Variants in RUNX1T1 observed in about 807,000 individuals in gnomAD.
RUNX1T1 encodes protein CBFA2T1.
In RUNX1T1, 4 loss-of-function variants were observed where a neutral mutation model predicts 62.8. The ratio of observed to expected loss-of-function variants is 0.06; its 90% CI spans 0.03 to 0.15. The LOEUF (loss-of-function observed/expected upper bound fraction) is 0.15. Ranked by LOEUF, RUNX1T1 falls within the 10% of genes least tolerant of loss-of-function variation. The pLI, the probability that RUNX1T1 is intolerant of heterozygous loss-of-function variation, is 1.00. For missense variants in RUNX1T1, 508 were observed against 754.3 expected (o/e 0.67, Z 3.82); for synonymous variants, 291 against 286.0 (o/e 1.02, Z -0.18).
At chr8:92,076,421 A>G (rs1473683219) in intron 1 of RUNX1T1, among the ~76,000 whole-genome samples, 1 of 152,164 alleles carries the variant, frequency 6.6e-6, no homozygotes, top group Non-Finnish European at 1.5e-5. Flanking sequence ...GGTTTTAAAG[A>G]TATGCACATC....
At chr8:92,050,027 C>T (rs1029795927) in intron 1 of RUNX1T1, among the ~76,000 whole-genome samples, 5 of 152,034 alleles carry the variant, frequency 3.3e-5, no homozygotes, top group African/African-American at 9.7e-5. Context: ...TATATAACCA[C>T]AATTTTCATT....
At chr8:92,021,854 C>T (rs763297242) in intron 1 of RUNX1T1, among the ~76,000 whole-genome samples, 1 of 151,136 alleles carries the variant, frequency 6.6e-6, no homozygotes, top group Admixed American at 6.6e-5. Context: ...TACCAGCCAC[C>T]TTGGTACTCC....
chr8:92,017,228 G>T (rs780681800), exon 2 of RUNX1T1: 1 of 1,597,330 alleles, frequency 6.3e-7, no homozygotes, highest in Admixed American at 1.7e-5. Flanking sequence ...CTACTTACAC[G>T]TTGTCGGTGT....
At chr8:92,005,216 G>A (rs764559856) in exon 5 of RUNX1T1, 7 of 1,614,066 alleles carry the variant, frequency 4.3e-6, no homozygotes, top group South Asian at 2.2e-5. Flanking sequence ...AGCTGTTCAT[G>A]CTGGGCGAGG....
At chr8:92,038,046 C>CTTTCTTTATTTATTTA (rs71563485) in intron 1 of RUNX1T1, among the ~76,000 whole-genome samples, 1 of 149,984 alleles carries the variant, frequency 6.7e-6, no homozygotes, top group African/African-American at 2.5e-5. Context: ...CAAAATTCTT[C>CTTTCTTTATTTATTTA]TTTATTTATT....
At chr8:91,992,746 G>A (rs1360069766) in intron 5 of RUNX1T1, among the ~76,000 whole-genome samples, 1 of 152,112 alleles carries the variant, frequency 6.6e-6, no homozygotes, top group African/African-American at 2.4e-5. Context: ...CCTGTCTGGG[G>A]TTATCAGGTC....
At chr8:91,983,738 A>T (rs774556693) in intron 8 of RUNX1T1, among the ~76,000 whole-genome samples, 30 of 152,182 alleles carry the variant, frequency 2.0e-4, no homozygotes, top group Non-Finnish European at 3.7e-4. Flanking sequence ...CAATCCATTC[A>T]ACTCCAAAGC....
At chr8:92,095,333 T>C (rs1055950641) in intron 1 of RUNX1T1, 2 of 1,533,444 alleles carry the variant, frequency 1.3e-6, no homozygotes, top group Non-Finnish European at 1.7e-6. Context: ...CCCTCCCCTG[T>C]TCACGGAGAT....
At position 92,085,688 on chromosome 8, in the gene RUNX1T1, TTAAG is replaced by T. The variant is rs561725608; in HGVS notation, c.-85-9555_-85-9552del. Among the ~76,000 whole-genome samples the T allele has an allele frequency of 3.0e-3, 451 of 152,334 alleles. 1 individual carries two copies. Among genetic ancestry groups the T allele is most frequent in the African/African-American group, 0.01 (430 of 41,578 alleles). On this transcript the variant is annotated intron_variant, in intron 1 of 11. Coordinates refer to the RUNX1T1 transcript ENST00000265814. ...AAAGAATTGCCAGCATGTTTTTAAA[TTAAG>T]TGTTATCAGACAAAACAAGATAAAG...
intron 5 of RUNX1T1, among the ~76,000 whole-genome samples, chr8:91,992,465 A>G (rs891892389): frequency 6.6e-6 from 1 of 152,222 alleles, no homozygotes; most frequent in Non-Finnish European, 1.5e-5. Flanking sequence ...GCCACATTTC[A>G]TGTGCTCAAC....
At chr8:92,033,855 A>T (rs1390216492) in intron 1 of RUNX1T1, among the ~76,000 whole-genome samples, 1 of 152,110 alleles carries the variant, frequency 6.6e-6, no homozygotes, top group African/African-American at 2.4e-5. Context: ...CTGTAGTCCC[A>T]GCTACTAGGA....
intron 9 of RUNX1T1, among the ~76,000 whole-genome samples, chr8:91,973,392 C>T (rs988530316): frequency 3.3e-5 from 5 of 151,666 alleles, no homozygotes; most frequent in Non-Finnish European, 5.9e-5. Flanking sequence ...TGTTTGAAAT[C>T]ATTTCAAAAT....
intron 1 of RUNX1T1, among the ~76,000 whole-genome samples, chr8:92,038,046 C>CTTTCTTTATTTATTTATTTATTTA (rs71563485): frequency 4.0e-5 from 6 of 150,078 alleles, no homozygotes; most frequent in African/African-American, 1.2e-4. Context: ...CAAAATTCTT[C>CTTTCTTTATTTATTTATTTATTTA]TTTATTTATT....
chr8:92,036,343 A>C (rs188384762), intron 1 of RUNX1T1, among the ~76,000 whole-genome samples: 6 of 152,340 alleles, frequency 3.9e-5, no homozygotes, highest in Non-Finnish European at 7.3e-5. Context: ...AGTGTTCTCA[A>C]TTTTCTAAGT....
chr8:91,955,428 C>T (rs1047426285), downstream of RUNX1T1: 3 of 227,430 alleles, frequency 1.3e-5, no homozygotes, highest in African/African-American at 6.7e-5. Flanking sequence ...AAATATCCAA[C>T]CCTAACTGTC....
chr8:91,976,915 G>A (rs1814091867), intron 8 of RUNX1T1, among the ~76,000 whole-genome samples: 1 of 152,130 alleles, frequency 6.6e-6, no homozygotes, highest in Non-Finnish European at 1.5e-5. Context: ...ATAAGCCCAT[G>A]ATAAATTCTG....
At chr8:92,018,507 C>T (rs1823461350) in intron 1 of RUNX1T1, among the ~76,000 whole-genome samples, 2 of 152,128 alleles carry the variant, frequency 1.3e-5, no homozygotes, top group African/African-American at 4.8e-5. Context: ...TTTTGAGGCA[C>T]CTCTTGCAGT....
chr8:92,051,622 T>A (rs1232165175), intron 1 of RUNX1T1, among the ~76,000 whole-genome samples: 1 of 148,956 alleles, frequency 6.7e-6, no homozygotes, highest in Non-Finnish European at 1.5e-5. Flanking sequence ...TCTCTCTCTC[T>A]CACTCTCTCT....
At chr8:92,064,187 T>A (rs999269958), upstream of RUNX1T1, among the ~76,000 whole-genome samples, 1 of 152,270 alleles carries the variant, frequency 6.6e-6, no homozygotes, top group South Asian at 2.1e-4. Flanking sequence ...ACTAAAAATA[T>A]ATTCTCTTGA....
Sources: gnomAD v4.1 joint callset for allele counts (sites outside exome capture counted in the v4.1 genomes callset) on GRCh38, gnomAD v4.1.1 for gene constraint, MANE v1.5 for transcripts, NCBI Gene and HGNC (gene_info 2026-07-23, HGNC 2026-07-21) for gene names.